The following CSNK2A2IP variants were observed in gnomAD, a reference collection of about 807,000 sequenced individuals.
CSNK2A2IP encodes casein kinase II subunit alpha'-interacting protein.
At chr3:88,409,926 C>G in the CSNK2A2IP span, among the ~76,000 whole-genome samples, 1 of 151,996 alleles carries the variant, frequency 6.6e-6, no homozygotes, top group Non-Finnish European at 1.5e-5. Context: ...ACTTCCGTAA[C>G]AAATGCATCA....
At chr3:88,463,420 A>C in the CSNK2A2IP span, among the ~76,000 whole-genome samples, 1 of 152,168 alleles carries the variant, frequency 6.6e-6, no homozygotes, top group South Asian at 2.1e-4. Context: ...GCCAGCTACA[A>C]GGTTCTGTCT....
chr3:88,460,804 G>A, the CSNK2A2IP span, among the ~76,000 whole-genome samples: 1 of 151,952 alleles, frequency 6.6e-6, no homozygotes, highest in Non-Finnish European at 1.5e-5. Context: ...TAAACATTTT[G>A]AGGATGGACG....
the CSNK2A2IP span, among the ~76,000 whole-genome samples, chr3:88,373,773 C>T: frequency 1.3e-5 from 2 of 150,932 alleles, no homozygotes; most frequent in Non-Finnish European, 3.0e-5. Context: ...TAAGAAAACA[C>T]AGATTACCAA....
the CSNK2A2IP span, chr3:88,465,199 C>G: frequency 2.4e-6 from 1 of 420,008 alleles, no homozygotes; most frequent in Non-Finnish European, 4.1e-6. Flanking sequence ...TTGGAATAGT[C>G]TATAATATTT....
the CSNK2A2IP span, among the ~76,000 whole-genome samples, chr3:88,414,418 G>T: frequency 6.6e-6 from 1 of 150,764 alleles, no homozygotes; most frequent in Non-Finnish European, 1.5e-5. Context: ...GAGTAGCTGG[G>T]ACTACAGGCG....
chr3:88,368,893 C>G, the CSNK2A2IP span, among the ~76,000 whole-genome samples: 1 of 151,982 alleles, frequency 6.6e-6, no homozygotes, highest in African/African-American at 2.4e-5. Context: ...TGGGGAGGAA[C>G]TTTCTCACAA....
At chr3:88,340,731 G>T in the CSNK2A2IP span, among the ~76,000 whole-genome samples, 13 of 151,980 alleles carry the variant, frequency 8.6e-5, no homozygotes, top group African/African-American at 2.6e-4. Context: ...TTTCTTAATT[G>T]ATACAAACTG....
At chr3:88,341,297 T>A in the CSNK2A2IP span, among the ~76,000 whole-genome samples, 1 of 151,830 alleles carries the variant, frequency 6.6e-6, no homozygotes, top group East Asian at 1.9e-4. Context: ...GAATCATTAT[T>A]ATTATATGCA....
At chr3:88,384,128 G>T in the CSNK2A2IP span, among the ~76,000 whole-genome samples, 3 of 151,964 alleles carry the variant, frequency 2.0e-5, no homozygotes, top group Non-Finnish European at 4.4e-5. Context: ...TTTGGATAGG[G>T]TATACTATGG....
chr3:88,399,841 A>G, the CSNK2A2IP span: 1 of 152,232 alleles, frequency 6.6e-6, no homozygotes, highest in East Asian at 1.9e-4. Context: ...GTTCAGAAAG[A>G]AAAATGAACC....
the CSNK2A2IP span, among the ~76,000 whole-genome samples, chr3:88,458,860 C>A: frequency 6.6e-6 from 1 of 152,050 alleles, no homozygotes; most frequent in African/African-American, 2.4e-5. Flanking sequence ...GACCATACTG[C>A]GCATTATTTG....
the CSNK2A2IP span, among the ~76,000 whole-genome samples, chr3:88,369,695 CT>C: frequency 2.6e-5 from 4 of 151,868 alleles, no homozygotes; most frequent in African/African-American, 9.7e-5. Flanking sequence ...GGGCCTGTTC[CT>C]GAAAGACAGA....
the CSNK2A2IP span, among the ~76,000 whole-genome samples, chr3:88,402,700 TAA>T: frequency 0.1 from 15,740 of 151,948 alleles, 974 homozygotes; most frequent in East Asian, 0.22. Flanking sequence ...TATTTGCACG[TAA>T]AGAGTATACC....
chr3:88,423,306 A>G, the CSNK2A2IP span, among the ~76,000 whole-genome samples: 1 of 152,236 alleles, frequency 6.6e-6, no homozygotes, highest in Non-Finnish European at 1.5e-5. Flanking sequence ...TACAGATAGA[A>G]TAGAGAAATT....
At chr3:88,429,009 T>C in the CSNK2A2IP span, among the ~76,000 whole-genome samples, 1 of 149,708 alleles carries the variant, frequency 6.7e-6, no homozygotes, top group African/African-American at 2.5e-5. Flanking sequence ...TTAGCAAATA[T>C]TGGCCCTTGA....
At chr3:88,439,172 C>G in the CSNK2A2IP span, among the ~76,000 whole-genome samples, 1 of 152,166 alleles carries the variant, frequency 6.6e-6, no homozygotes, top group Non-Finnish European at 1.5e-5. Flanking sequence ...CCTCACTTTT[C>G]ATTGACTTTC....
chr3:88,465,441 T>C, the CSNK2A2IP span: 1 of 1,231,652 alleles, frequency 8.1e-7, no homozygotes, highest in Non-Finnish European at 1.0e-6. Context: ...CATTAACACA[T>C]CAACATACAG....
At chr3:88,457,127 G>C in the CSNK2A2IP span, among the ~76,000 whole-genome samples, 1 of 152,138 alleles carries the variant, frequency 6.6e-6, no homozygotes, top group East Asian at 1.9e-4. Flanking sequence ...ATTCAATATA[G>C]AATACCATTT....
the CSNK2A2IP span, among the ~76,000 whole-genome samples, chr3:88,349,802 TTG>T: frequency 2.0e-5 from 3 of 152,056 alleles, no homozygotes; most frequent in East Asian, 3.9e-4. Context: ...ATCTATTTTT[TTG>T]TGTGTGTGTG....
Sources: allele counts gnomAD v4.1 joint callset (sites outside exome capture counted in the v4.1 genomes callset), GRCh38; gene constraint gnomAD v4.1.1; transcripts MANE v1.5; gene names NCBI Gene and HGNC (gene_info 2026-07-23, HGNC 2026-07-21).